Variants in SHROOM3 observed in about 807,000 individuals in gnomAD.
SHROOM3 encodes the protein shroom family member 3.
A neutral mutation model predicts 138.6 loss-of-function variants in SHROOM3; 47 were observed. The ratio of observed to expected loss-of-function variants is 0.34; its 90% CI spans 0.27 to 0.43. The LOEUF is 0.43. SHROOM3 is among the 20% of genes least tolerant of loss of function. SHROOM3 has a pLI of 1.00. For synonymous variants in SHROOM3, 1,062 were observed against 1,063.3 expected, an observed-to-expected ratio of 1.00 and a Z score of 0.02; for missense variants, 2,491 against 2,596.5, an observed-to-expected ratio of 0.96 and a Z score of 0.88.
chr4:76,574,008 A>G (rs570344008), intron 2 of SHROOM3, among the ~76,000 whole-genome samples: 1 of 152,276 alleles, frequency 6.6e-6, no homozygotes, highest in South Asian at 2.1e-4. Context: ...CAGTGGAGCC[A>G]GGGTTCCCTG....
rs76844928 is a variant in SHROOM3 at position 76,751,607 on chromosome 4, A to G, written c.3827+2517A>G. Among the ~76,000 whole-genome samples, 768 of 152,308 alleles carry G rather than the reference A, an allele frequency of 5.0e-3. 14 individuals are homozygous for G. The East Asian group carries it at 0.052, about 10-fold the overall frequency. On this transcript the variant is annotated intron_variant, in intron 6 of 10. Coordinates refer to ENST00000296043, the MANE Select transcript of SHROOM3 (RefSeq NM_020859.4). ...CCAATCCAACTAAATTCAGACATTC[A>G]CTTGTTAATTTCAAACATAAAAATT... is the stretch of plus-strand genomic sequence containing the variant.
intron 2 of SHROOM3, among the ~76,000 whole-genome samples, chr4:76,666,241 T>C (rs908023388): frequency 2.0e-5 from 3 of 152,218 alleles, no homozygotes; most frequent in African/African-American, 7.2e-5. Context: ...GCCTCACTCA[T>C]TGCAGCTGGA....
rs1397696956 is a variant in SHROOM3, at chr4:76,756,851, C to G, written c.5112C>G (p.Pro1704=). 6.2e-7 allele frequency: 1 copy of G among 1,614,052 alleles called. No homozygotes were observed. Among genetic ancestry groups the G allele is most frequent in the East Asian group, 2.2e-5 (1 of 44,868 alleles). The part of the protein sequence containing the change: ...TTMDLMEGLF[P]RDVNLLKENS... ...TGGACCTGATGGAAGGTTTGTTTCC[C>G]CGAGATGTGAACTTGCTGAAGGAAA... Residue 1704 remains proline (P), a synonymous_variant, in exon 8 of 11, where the codon CCC becomes CCG. Transcript: ENST00000296043.
intron 2 of SHROOM3, among the ~76,000 whole-genome samples, chr4:76,605,978 TAC>T (rs202126394): frequency 0.091 from 9,227 of 100,950 alleles, 361 homozygotes; most frequent in East Asian, 0.14. Flanking sequence ...TATACACATA[TAC>T]ACACACACAC....
intron 10 of SHROOM3, among the ~76,000 whole-genome samples, chr4:76,773,969 G>C (rs1231704012): frequency 6.6e-6 from 1 of 152,152 alleles, no homozygotes; most frequent in East Asian, 1.9e-4. Flanking sequence ...ACTCAGCCTG[G>C]GGAGGGGCAA....
chr4:76,458,092 T>C (rs1731069639), intron 1 of SHROOM3, among the ~76,000 whole-genome samples: 1 of 152,226 alleles, frequency 6.6e-6, no homozygotes, highest in Admixed American at 6.5e-5. Flanking sequence ...CACGCCTGGC[T>C]GCACCCGGCT....
chr4:76,534,540 A>AAAT (rs10682235), intron 1 of SHROOM3, among the ~76,000 whole-genome samples: 3 of 151,756 alleles, frequency 2.0e-5, no homozygotes, highest in Admixed American at 2.0e-4. Flanking sequence ...ATACAAAAAA[A>AAAT]GTAGTCTGAT....
intron 2 of SHROOM3, among the ~76,000 whole-genome samples, chr4:76,653,684 G>C (rs1736007893): frequency 6.6e-6 from 1 of 152,046 alleles, no homozygotes; most frequent in South Asian, 2.1e-4. Flanking sequence ...TCCCACCTCA[G>C]CCTTCTGAGT....
intron 3 of SHROOM3, among the ~76,000 whole-genome samples, chr4:76,727,923 G>A (rs1163600601): frequency 4.1e-5 from 6 of 144,730 alleles, no homozygotes; most frequent in Non-Finnish European, 9.0e-5. Context: ...GAAGGCCAAG[G>A]TGGGCGGATC....
chr4:76,501,983 T>TGG (rs36048786), intron 1 of SHROOM3, among the ~76,000 whole-genome samples: 9 of 152,328 alleles, frequency 5.9e-5, no homozygotes, highest in African/African-American at 2.2e-4. Flanking sequence ...ATCCCCAATG[T>TGG]GGCAGTATTG....
At chr4:76,561,495 G>A (rs1339703864) in intron 2 of SHROOM3, among the ~76,000 whole-genome samples, 1 of 151,990 alleles carries the variant, frequency 6.6e-6, no homozygotes, top group African/African-American at 2.4e-5. Flanking sequence ...GTCTCTGCCT[G>A]GAGGTAGAAA....
chr4:76,630,615 A>AT (rs141192848), intron 2 of SHROOM3, among the ~76,000 whole-genome samples: 3 of 151,968 alleles, frequency 2.0e-5, no homozygotes, highest in Non-Finnish European at 2.9e-5. Flanking sequence ...TGGGGAAATC[A>AT]TTTTTTTTCC....
chr4:76,447,414 T>C (rs955649138), intron 1 of SHROOM3, among the ~76,000 whole-genome samples: 7 of 152,200 alleles, frequency 4.6e-5, no homozygotes, highest in African/African-American at 1.7e-4. Context: ...TTTATCATCT[T>C]GCATGTGTCC....
chr4:76,627,157 G>A (rs756852119), intron 2 of SHROOM3, among the ~76,000 whole-genome samples: 5 of 152,120 alleles, frequency 3.3e-5, no homozygotes, highest in Admixed American at 6.6e-5. Flanking sequence ...TGGGGGATGC[G>A]AGTAGGGGCT....
chr4:76,715,242 C>T (rs533003226), intron 3 of SHROOM3, among the ~76,000 whole-genome samples: 3 of 152,130 alleles, frequency 2.0e-5, no homozygotes, highest in Non-Finnish European at 4.4e-5. Flanking sequence ...GATCTTCTCA[C>T]TTATCTATAA....
intron 2 of SHROOM3, among the ~76,000 whole-genome samples, chr4:76,641,858 A>G (rs1735678876): frequency 6.6e-6 from 1 of 152,210 alleles, no homozygotes; most frequent in Non-Finnish European, 1.5e-5. Context: ...AGGCAGGTAG[A>G]GGTGAACTAA....
rs567644785 is a variant in SHROOM3, at chr4:76,525,221, A to G, written c.169-30388A>G. Among the ~76,000 whole-genome samples the G allele has an allele frequency of 7.9e-5, 12 of 152,324 alleles. 1 individual carries two copies. The highest frequency in any genetic ancestry group is 7.8e-4 in the Admixed American group (12 of 15,302). On this transcript the variant is annotated intron_variant, in intron 1 of 10. Transcript: ENST00000296043. ...GGGAGGCCTCAGGAAACTTACAGTC[A>G]TGGTGGAAGGCAAAGGAGAAGCAGG...
At chr4:76,717,390 T>A (rs1051462089) in intron 3 of SHROOM3, among the ~76,000 whole-genome samples, 1 of 152,212 alleles carries the variant, frequency 6.6e-6, no homozygotes, top group Non-Finnish European at 1.5e-5. Flanking sequence ...CTGACATTAA[T>A]CTGGGGAGAT....
intron 5 of SHROOM3, among the ~76,000 whole-genome samples, chr4:76,747,621 G>A (rs929581447): frequency 9.2e-5 from 14 of 152,124 alleles, no homozygotes; most frequent in African/African-American, 3.1e-4. Flanking sequence ...TGGGTTAGGC[G>A]CTCACATGGG....
Sources: allele counts gnomAD v4.1 joint callset (sites outside exome capture counted in the v4.1 genomes callset), GRCh38; gene constraint gnomAD v4.1.1; transcripts MANE v1.5; gene names NCBI Gene and HGNC (gene_info 2026-07-23, HGNC 2026-07-21).